CLASP1: variants seen among roughly 807,000 people sequenced by gnomAD.
The protein encoded by CLASP1 is CLIP-associating protein 1.
In CLASP1, 38 loss-of-function variants were observed where a neutral mutation model predicts 192.3. The ratio of observed to expected loss-of-function variants is 0.20; its 90% CI spans 0.15 to 0.26. The LOEUF (loss-of-function observed/expected upper bound fraction) is 0.26, where lower values mean the gene tolerates loss of function less well. Among genes scored for constraint, CLASP1 ranks in the 10% least tolerant of loss-of-function variants. The pLI is 1.00. For synonymous variants in CLASP1, 691 were observed against 712.8 expected, an observed-to-expected ratio of 0.97 and a Z score of 0.49; for missense variants, 1,433 against 1,932.5, an observed-to-expected ratio of 0.74 and a Z score of 4.85.
intron 19 of CLASP1, among the ~76,000 whole-genome samples, chr2:121,438,404 G>C (rs1016862043): frequency 6.6e-6 from 1 of 152,158 alleles, no homozygotes; most frequent in African/African-American, 2.4e-5. Context: ...AAGATAAAGA[G>C]GATTTTTTGT....
At chr2:121,478,784 C>T (rs1388083132) in intron 8 of CLASP1, among the ~76,000 whole-genome samples, 2 of 29,622 alleles carry the variant, frequency 6.8e-5, no homozygotes, top group East Asian at 8.6e-4. Flanking sequence ...CACACACACC[C>T]CACACACACC....
At chr2:121,525,181 G>A (rs2094547188) in intron 6 of CLASP1, among the ~76,000 whole-genome samples, 1 of 152,086 alleles carries the variant, frequency 6.6e-6, no homozygotes, top group Admixed American at 6.5e-5. Context: ...AAATGACTCT[G>A]GTTGAGAAAT....
At chr2:121,631,747 CA>C (rs1271033105) in intron 1 of CLASP1, among the ~76,000 whole-genome samples, 1 of 150,740 alleles carries the variant, frequency 6.6e-6, no homozygotes, top group Non-Finnish European at 1.5e-5. Flanking sequence ...CCCATCTCTA[CA>C]AAAAATACAA....
At chr2:121,407,766 G>C in intron 24 of CLASP1, 51 bp from the exon 26 acceptor site, 1 of 1,609,160 alleles carries the variant, frequency 6.2e-7, no homozygotes, top group East Asian at 2.2e-5. Context: ...ATAGAAAGGT[G>C]AAATGACTGT....
In CLASP1 at chr2:121,601,878, CA is replaced by C. The variant is rs2063821146; in HGVS notation, c.195+3822del. ...CAACAAACTAGCTAAAAAAAGAAAT[CA>C]AGAAGGCAATTCTGGCCGAGCACAG... On this transcript the variant is annotated intron_variant, in intron 2 of 39. Coordinates refer to ENST00000263710, the Ensembl canonical transcript of CLASP1. Among the ~76,000 whole-genome samples the C allele has an allele frequency of 2.0e-5, 3 of 151,918 alleles. No homozygotes were observed. In the South Asian group the frequency reaches 6.2e-4, roughly 32 times the overall value.
intron 8 of CLASP1, among the ~76,000 whole-genome samples, chr2:121,502,184 C>A (rs773550709): frequency 4.6e-5 from 7 of 152,204 alleles, no homozygotes; most frequent in Non-Finnish European, 7.4e-5. Context: ...ACATCAAAAT[C>A]ATTACTTTAT....
chr2:121,440,363 TA>T (rs1213227946), intron 19 of CLASP1, among the ~76,000 whole-genome samples: 3 of 152,242 alleles, frequency 2.0e-5, no homozygotes, highest in African/African-American at 4.8e-5. Flanking sequence ...TAAAAGATGA[TA>T]TAAAATGCTC....
chr2:121,634,880 T>C lies in CLASP1; in HGVS notation c.-286+14492A>G, dbSNP rs146792452. ...TCTGTCAAGCTTTTTAGACAAAATA[T>C]ATGCACAAAAGTAGAACAATAGCTA... On this transcript the variant is annotated intron_variant, in intron 1 of 39. Coordinates refer to ENST00000263710, the Ensembl canonical transcript of CLASP1. Among the ~76,000 whole-genome samples, 748 of 152,248 alleles carry C rather than the reference T, an allele frequency of 4.9e-3. 5 individuals are homozygous for C. The highest frequency in any genetic ancestry group is 7.2e-3 in the Non-Finnish European group (492 of 68,026).
At chr2:121,469,726 C>A in intron 9 of CLASP1, 82 bp downstream of exon 9, 1 of 1,392,650 alleles carries the variant, frequency 7.2e-7, no homozygotes, top group Non-Finnish European at 9.6e-7. Context: ...CTTCTGAGGG[C>A]CACCACAGGC....
chr2:121,553,379 A>C (rs188091189), intron 2 of CLASP1, among the ~76,000 whole-genome samples: 7 of 152,312 alleles, frequency 4.6e-5, no homozygotes, highest in Middle Eastern at 3.4e-3. Context: ...ATTTAAAAAT[A>C]AAATAAAATA....
intron 12 of CLASP1, 111 bp downstream of exon 12, chr2:121,459,869 C>T: frequency 1.0e-6 from 1 of 977,016 alleles, no homozygotes; most frequent in Non-Finnish European, 1.4e-6. Flanking sequence ...GTCTTGGAGA[C>T]TAGTCAGAAG....
chr2:121,508,239 A>G (rs932588053), intron 7 of CLASP1, among the ~76,000 whole-genome samples: 20 of 152,116 alleles, frequency 1.3e-4, no homozygotes, highest in African/African-American at 4.1e-4. Flanking sequence ...TAGCAAAAAA[A>G]GAAGAAAACA....
intron 33 of CLASP1, 57 bp from the exon 35 acceptor site, chr2:121,377,706 A>C: frequency 8.2e-7 from 1 of 1,216,072 alleles, no homozygotes; most frequent in Non-Finnish European, 1.1e-6. Flanking sequence ...GAACTGAGAT[A>C]TGGGCATAAG....
chr2:121,490,395 A>G (rs999489026), intron 8 of CLASP1: 7 of 384,052 alleles, frequency 1.8e-5, no homozygotes, highest in African/African-American at 1.5e-4. Context: ...GTTCAGTGTG[A>G]TCCGGCAGCA....
chr2:121,472,912 A>T (rs2091005748), intron 8 of CLASP1, among the ~76,000 whole-genome samples: 1 of 152,256 alleles, frequency 6.6e-6, no homozygotes, highest in Non-Finnish European at 1.5e-5. Context: ...ATCAGAGCTT[A>T]AAAGCAGGCC....
chr2:121,481,024 C>T lies in CLASP1; in HGVS notation c.713-11064G>A, dbSNP rs2092558843. Among the ~76,000 whole-genome samples the T allele has an allele frequency of 2.0e-5, 3 of 152,330 alleles. No homozygotes were observed. The South Asian group carries it at 6.2e-4, about 32-fold the overall frequency. Reference sequence around the variant, plus strand: ...CACCCAGACTTCTCAGTTCCATGAGCCAAGTCACTCCCCTTCTCCCTTACA... The same window carrying T: ...CACCCAGACTTCTCAGTTCCATGAGTCAAGTCACTCCCCTTCTCCCTTACA... On this transcript the variant is annotated intron_variant, in intron 8 of 39. Transcript: ENST00000263710.
At chr2:121,597,677 T>C (rs983185477) in intron 2 of CLASP1, among the ~76,000 whole-genome samples, 1 of 152,206 alleles carries the variant, frequency 6.6e-6, no homozygotes, top group African/African-American at 2.4e-5. Context: ...ATTTTGAAAC[T>C]GCGGAGAAAG....
At chr2:121,349,247 A>G (rs1281513762) in intron 37 of CLASP1, among the ~76,000 whole-genome samples, 2 of 149,268 alleles carry the variant, frequency 1.3e-5, no homozygotes, top group African/African-American at 2.4e-5. Context: ...CTCAAAAAAA[A>G]AAAGAAAAGA....
chr2:121,639,187 G>A (rs13004063), intron 1 of CLASP1, among the ~76,000 whole-genome samples: 29,211 of 151,892 alleles, frequency 0.19, 5,022 homozygotes, highest in African/African-American at 0.46. Context: ...TGAGGCAGGA[G>A]AATGGCGTGA....
Sources: gnomAD v4.1 joint callset for allele counts (sites outside exome capture counted in the v4.1 genomes callset) on GRCh38, gnomAD v4.1.1 for gene constraint, MANE v1.5 for transcripts, NCBI Gene and HGNC (gene_info 2026-07-23, HGNC 2026-07-21) for gene names.